Variants in COG5 observed in about 807,000 individuals in gnomAD.
The protein encoded by COG5 is conserved oligomeric Golgi complex subunit 5.
COG5 carries 86 observed loss-of-function variants against 110.4 expected under a neutral mutation model. That is an observed-to-expected ratio of 0.78 (90% CI 0.65 to 0.93). The LOEUF is 0.93. Ranked by LOEUF, COG5 falls within the 40% of genes least tolerant of loss-of-function variation. The probability of loss-of-function intolerance (pLI) is 0.00; values close to 1 mark genes in which losing one functional copy is unlikely to be tolerated. For missense variants in COG5, 1,077 were observed against 987.0 expected, an observed-to-expected ratio of 1.09 and a Z score of -1.22; for synonymous variants, 360 against 334.6, an observed-to-expected ratio of 1.08 and a Z score of -0.83.
chr7:107,280,454 T>G (rs1805075289), intron 14 of COG5, among the ~76,000 whole-genome samples: 1 of 152,018 alleles, frequency 6.6e-6, no homozygotes, highest in African/African-American at 2.4e-5. Flanking sequence ...TGAAACAACT[T>G]GGATATAGAT....
chr7:107,485,260 T>C (rs1563061029), intron 6 of COG5, among the ~76,000 whole-genome samples: 1 of 152,170 alleles, frequency 6.6e-6, no homozygotes, highest in Non-Finnish European at 1.5e-5. Context: ...AGAACTGAAC[T>C]TTCATTAACT....
chr7:107,409,405 C>G (rs1792111901), intron 7 of COG5, among the ~76,000 whole-genome samples: 1 of 151,862 alleles, frequency 6.6e-6, no homozygotes, highest in African/African-American at 2.4e-5. Flanking sequence ...TGAAAGTAAT[C>G]TACTTTCAGT....
At chr7:107,305,209 T>C (rs1159843921) in intron 11 of COG5, among the ~76,000 whole-genome samples, 1 of 152,182 alleles carries the variant, frequency 6.6e-6, no homozygotes, top group African/African-American at 2.4e-5. Context: ...ATTATCCTAG[T>C]AGAGGCTGCT....
intron 7 of COG5, among the ~76,000 whole-genome samples, chr7:107,377,656 A>G (rs1814746190): frequency 6.6e-6 from 1 of 152,224 alleles, no homozygotes; most frequent in Non-Finnish European, 1.5e-5. Context: ...CAAATTATCT[A>G]ACCTCTTTAA....
intron 19 of COG5, among the ~76,000 whole-genome samples, chr7:107,219,302 A>G (rs1261484912): frequency 6.6e-6 from 1 of 152,210 alleles, no homozygotes; most frequent in African/African-American, 2.4e-5. Flanking sequence ...AACTAAAAAT[A>G]GAATTACAAT....
chr7:107,395,717 G>A (rs1435517197), intron 7 of COG5, among the ~76,000 whole-genome samples: 1 of 151,850 alleles, frequency 6.6e-6, no homozygotes, highest in African/African-American at 2.4e-5. Context: ...ACCACGCCTG[G>A]CTAATCTTTG....
At chr7:107,556,447 C>T (rs779859543) in intron 2 of COG5, among the ~76,000 whole-genome samples, 31 of 152,338 alleles carry the variant, frequency 2.0e-4, no homozygotes, top group Non-Finnish European at 3.8e-4. Flanking sequence ...ATGGTAAATA[C>T]ATTTTAAGTT....
chr7:107,428,547 CAG>C (rs1793801679), intron 6 of COG5, among the ~76,000 whole-genome samples: 2 of 152,196 alleles, frequency 1.3e-5, no homozygotes, highest in Non-Finnish European at 2.9e-5. Flanking sequence ...CTAGAGCCTT[CAG>C]AGAGAGTATG....
At chr7:107,492,404 C>A (rs1448151034) in intron 6 of COG5, among the ~76,000 whole-genome samples, 2 of 152,102 alleles carry the variant, frequency 1.3e-5, no homozygotes, top group African/African-American at 4.8e-5. Flanking sequence ...TACCTTATAG[C>A]TCTGAAGGTA....
In COG5 at chr7:107,472,883, T is replaced by C. The variant is rs901166371; in HGVS notation, c.538+54354A>G. The C allele has an allele frequency of 6.6e-5, 10 of 152,088 alleles. No homozygotes were observed. The East Asian group carries it at 1.5e-3, about 23-fold the overall frequency. 9.4% of individuals were successfully genotyped at this position (152,088 alleles called of 1,614,324 possible). A position where few individuals can be genotyped will look rare whatever the true frequency, so the allele number is the denominator to read the frequency against. On this transcript the variant is annotated intron_variant, in intron 6 of 21. Coordinates refer to ENST00000297135, the MANE Select transcript of COG5 (RefSeq NM_006348.5). ...TTGAAATGTGAAATATAGTTGGTTG[T>C]ATGAGTTCATATTTTAAAATGAATA...
At chr7:107,470,526 C>G (rs1796571610) in intron 6 of COG5, 1 of 151,964 alleles carries the variant, frequency 6.6e-6, no homozygotes, top group African/African-American at 2.4e-5. Flanking sequence ...AAATTTCAGC[C>G]TAAATTTTAA....
intron 6 of COG5, among the ~76,000 whole-genome samples, chr7:107,439,062 A>G (rs1257357902): frequency 6.6e-6 from 1 of 151,956 alleles, no homozygotes; most frequent in Non-Finnish European, 1.5e-5. Flanking sequence ...TCTTCTAATG[A>G]TCCTGTGTTC....
chr7:107,509,950 A>T (rs1280555881), intron 6 of COG5, among the ~76,000 whole-genome samples: 1 of 152,220 alleles, frequency 6.6e-6, no homozygotes, highest in Admixed American at 6.5e-5. Flanking sequence ...AAAACATGAC[A>T]AAATGTAAAG....
intron 17 of COG5, among the ~76,000 whole-genome samples, chr7:107,239,174 C>T (rs1174186080): frequency 6.6e-6 from 1 of 152,150 alleles, no homozygotes; most frequent in Non-Finnish European, 1.5e-5. Flanking sequence ...CATTCTTCTG[C>T]ATCTGGATAT....
In COG5 at chr7:107,269,347, C is replaced by T. The variant is rs559982098; in HGVS notation, c.1576-10964G>A. On this transcript the variant is annotated intron_variant, in intron 14 of 21. Transcript: ENST00000297135. ...AAAATTAGCCGGGTGTGGTGGCGGA[C>T]GCCTGTAGTCCCAGCTACTCGGGAG... 5.6e-4 allele frequency among the ~76,000 whole-genome samples: 85 copies of T among 151,920 alleles called. No individual in the cohort carries two copies. In the East Asian group the frequency reaches 0.015, roughly 26 times the overall value.
At chr7:107,336,503 A>C (rs767136019) in intron 10 of COG5, among the ~76,000 whole-genome samples, 1 of 152,212 alleles carries the variant, frequency 6.6e-6, no homozygotes, top group Admixed American at 6.5e-5. Flanking sequence ...AGTTAACAAT[A>C]ATCTATTGTA....
Position 107,548,167 on chromosome 7 carries a change from T to G in COG5, c.361A>C (p.Ile121Leu), listed in dbSNP as rs138976539. 6.6e-5 allele frequency: 106 copies of G among 1,613,866 alleles called. No individual in the cohort carries two copies. The African/African-American group carries it at 1.2e-3, about 18-fold the overall frequency. Residue 121 changes from isoleucine to leucine, a missense_variant, in exon 5 of 22, where the codon ATT (isoleucine) becomes CTT (leucine). Ile to Leu is a conservative substitution (Grantham distance 5, BLOSUM62 2). Coordinates refer to ENST00000297135, the MANE Select transcript of COG5 (RefSeq NM_006348.5). Reference sequence around the variant, plus strand: ...ACTATCTTATTGTATGGTTCAACAATTTTTGCTTTTATCCTACAGGAAAAG... The same window carrying G: ...ACTATCTTATTGTATGGTTCAACAAGTTTTGCTTTTATCCTACAGGAAAAG... ...QGAVDRIKAKIVEPYNKIVAR... is the reference protein window; with the variant it reads ...QGAVDRIKAKLVEPYNKIVAR...
intron 21 of COG5, chr7:107,208,364 C>A: frequency 2.0e-6 from 2 of 985,358 alleles, no homozygotes; most frequent in Non-Finnish European, 2.4e-6. Context: ...TAAAGAGAAG[C>A]AAAAGAAAAC....
chr7:107,416,930 G>C (rs1348782399), intron 6 of COG5, among the ~76,000 whole-genome samples: 2 of 152,124 alleles, frequency 1.3e-5, no homozygotes, highest in Non-Finnish European at 1.5e-5. Flanking sequence ...ATTAAAAAGA[G>C]GGGAAATTAT....
Sources: allele counts gnomAD v4.1 joint callset (sites outside exome capture counted in the v4.1 genomes callset), GRCh38; gene constraint gnomAD v4.1.1; transcripts MANE v1.5; gene names NCBI Gene and HGNC (gene_info 2026-07-23, HGNC 2026-07-21).